KCNH8: variants seen among roughly 807,000 people sequenced by gnomAD.
KCNH8 encodes the protein potassium voltage-gated channel subfamily H member 8.
A neutral mutation model predicts 103.6 loss-of-function variants in KCNH8; 70 were observed. The observed-to-expected ratio is 0.68, with a 90% CI of 0.56 to 0.82. The LOEUF (loss-of-function observed/expected upper bound fraction) is 0.82, where lower values mean the gene tolerates loss of function less well. KCNH8 is among the 40% of genes least tolerant of loss of function. KCNH8 has a pLI of 0.00. For missense variants in KCNH8, 1,217 were observed against 1,329.9 expected, an observed-to-expected ratio of 0.92 and a Z score of 1.32; for synonymous variants, 498 against 489.4, an observed-to-expected ratio of 1.02 and a Z score of -0.23.
Position 19,308,650 on chromosome 3 carries a change from GTCTCTCTCTC to G in KCNH8, c.442+27380_442+27389del, listed in dbSNP as rs1163604706. Among the ~76,000 whole-genome samples the G allele has an allele frequency of 3.1e-4, 16 of 51,366 alleles. No individual in the cohort carries two copies. The East Asian group carries it at 3.4e-3, about 11-fold the overall frequency. 33.7% of individuals were successfully genotyped at this position (51,366 alleles called of 152,430 possible). On this transcript the variant is annotated intron_variant, in intron 3 of 15. Coordinates refer to ENST00000328405, the MANE Select transcript of KCNH8 (RefSeq NM_144633.3). Reference sequence around the variant, plus strand: ...ATGAAAAGACCCTGTGAATGTTGGGGTCTCTCTCTCTCTCTCTCTCTCTCTCTCTCTCTCT... The same window carrying G: ...ATGAAAAGACCCTGTGAATGTTGGGGTCTCTCTCTCTCTCTCTCTCTCTCT...
At chr3:19,153,053 G>A (rs2063145949) in intron 1 of KCNH8, among the ~76,000 whole-genome samples, 1 of 152,040 alleles carries the variant, frequency 6.6e-6, no homozygotes, top group Non-Finnish European at 1.5e-5. Flanking sequence ...AAGGTACATA[G>A]ACCTCTTAAT....
At chr3:19,178,214 C>T (rs755799689) in intron 1 of KCNH8, among the ~76,000 whole-genome samples, 67 of 152,020 alleles carry the variant, frequency 4.4e-4, no homozygotes, top group Non-Finnish European at 7.9e-4. Flanking sequence ...ATATTTTATA[C>T]CTGGAGATTT....
chr3:19,231,077 G>A (rs2063989401), intron 1 of KCNH8, among the ~76,000 whole-genome samples: 1 of 152,092 alleles, frequency 6.6e-6, no homozygotes, highest in African/African-American at 2.4e-5. Context: ...TATCCAAGGT[G>A]TGGGCTATTT....
At chr3:19,357,747 T>G (rs752760699) in intron 5 of KCNH8, among the ~76,000 whole-genome samples, 1 of 151,866 alleles carries the variant, frequency 6.6e-6, no homozygotes, top group Non-Finnish European at 1.5e-5. Flanking sequence ...AAAAGTAACA[T>G]GATATGCAAG....
At chr3:19,370,596 T>C (rs575668228) in intron 5 of KCNH8, among the ~76,000 whole-genome samples, 34 of 152,176 alleles carry the variant, frequency 2.2e-4, no homozygotes, top group African/African-American at 7.7e-4. Context: ...ATACAAAGAC[T>C]GTATACATAT....
chr3:19,226,140 T>C (rs936821884), intron 1 of KCNH8, among the ~76,000 whole-genome samples: 8 of 152,146 alleles, frequency 5.3e-5, no homozygotes, highest in Non-Finnish European at 8.8e-5. Context: ...ATTTGAAAAA[T>C]ATTAAGGCCT....
intron 11 of KCNH8, among the ~76,000 whole-genome samples, chr3:19,496,351 A>AT (rs1441253579): frequency 2.0e-5 from 3 of 151,936 alleles, no homozygotes; most frequent in African/African-American, 7.2e-5. Context: ...GGCTCTTATT[A>AT]TTTTAAAGTA....
intron 1 of KCNH8, among the ~76,000 whole-genome samples, chr3:19,218,321 C>T (rs967358596): frequency 1.6e-4 from 24 of 152,262 alleles, no homozygotes; most frequent in African/African-American, 5.8e-4. Context: ...TGTCCCTGAT[C>T]CACCAGCAGT....
chr3:19,240,695 T>G (rs2064128770), intron 1 of KCNH8, among the ~76,000 whole-genome samples: 1 of 152,080 alleles, frequency 6.6e-6, no homozygotes, highest in Non-Finnish European at 1.5e-5. Context: ...AATAGACTTC[T>G]TAAACAGCAT....
At chr3:19,241,264 G>A (rs1575461970) in intron 1 of KCNH8, among the ~76,000 whole-genome samples, 1 of 151,902 alleles carries the variant, frequency 6.6e-6, no homozygotes, top group Non-Finnish European at 1.5e-5. Context: ...CATAACTTCT[G>A]TATCCATAAT....
chr3:19,282,177 A>C (rs185793563), intron 3 of KCNH8, among the ~76,000 whole-genome samples: 1 of 152,166 alleles, frequency 6.6e-6, no homozygotes, highest in East Asian at 1.9e-4. Context: ...TCAATACATT[A>C]TGTTTCTTGA....
intron 5 of KCNH8, among the ~76,000 whole-genome samples, chr3:19,371,986 C>G (rs2066104594): frequency 6.6e-6 from 1 of 151,708 alleles, no homozygotes; most frequent in African/African-American, 2.4e-5. Flanking sequence ...TGTTTTGGTA[C>G]CAGTACCATG....
At chr3:19,519,703 C>T (rs2068939076) in intron 15 of KCNH8, among the ~76,000 whole-genome samples, 1 of 151,704 alleles carries the variant, frequency 6.6e-6, no homozygotes, top group Admixed American at 6.6e-5. Context: ...AAAACTAATG[C>T]AACTCCCCGT....
intron 2 of KCNH8, among the ~76,000 whole-genome samples, chr3:19,279,434 A>G (rs998008557): frequency 1.2e-4 from 18 of 152,068 alleles, no homozygotes; most frequent in African/African-American, 2.7e-4. Flanking sequence ...CGACTTCCCT[A>G]TCGTTTCATG....
intron 11 of KCNH8, among the ~76,000 whole-genome samples, chr3:19,487,328 A>C (rs1385972032): frequency 6.6e-6 from 1 of 152,198 alleles, no homozygotes; most frequent in Non-Finnish European, 1.5e-5. Flanking sequence ...ACGGTTAGGA[A>C]CTGTTGGGTG....
intron 5 of KCNH8, among the ~76,000 whole-genome samples, chr3:19,371,104 T>G (rs919682623): frequency 6.6e-6 from 1 of 151,954 alleles, no homozygotes; most frequent in Non-Finnish European, 1.5e-5. Context: ...GCATGATTTA[T>G]AATCCTTTGG....
intron 12 of KCNH8, among the ~76,000 whole-genome samples, chr3:19,511,921 AAAAATCCGTATACACC>A (rs2068789955): frequency 6.6e-6 from 1 of 152,154 alleles, no homozygotes; most frequent in African/African-American, 2.4e-5. Flanking sequence ...ATATACACCA[AAAAATCCGTATACACC>A]AAAATCCATA....
rs1308150379 is a variant in KCNH8 at position 19,450,287 on chromosome 3, T to C, written c.1557T>C (p.Asn519=). 3 of 1,612,884 alleles carry C rather than the reference T, an allele frequency of 1.9e-6. No individual in the cohort carries two copies. Among genetic ancestry groups the C allele is most frequent in the South Asian group, 1.1e-5 (1 of 91,074 alleles). ...EYFQTTWSVN[N]GIDSNELLKD... ...TTCAAACAACCTGGTCAGTCAACAA[T>C]GGAATAGATTCAAATGAGGTAATGT... The change falls in exon 9 of 16, where the codon AAT becomes AAC. Residue 519 remains asparagine, a synonymous_variant. Coordinates refer to ENST00000328405, the MANE Select transcript of KCNH8 (RefSeq NM_144633.3).
intron 1 of KCNH8, among the ~76,000 whole-genome samples, chr3:19,201,520 T>G (rs929805053): frequency 6.6e-6 from 1 of 152,088 alleles, no homozygotes; most frequent in Non-Finnish European, 1.5e-5. Context: ...AGGATCATAG[T>G]GACAGAGTGG....
Sources: gnomAD v4.1 joint callset for allele counts (sites outside exome capture counted in the v4.1 genomes callset) on GRCh38, gnomAD v4.1.1 for gene constraint, MANE v1.5 for transcripts, NCBI Gene and HGNC (gene_info 2026-07-23, HGNC 2026-07-21) for gene names.